Variants in LOC128462377 observed in about 807,000 individuals in gnomAD.
the LOC128462377 span, among the ~76,000 whole-genome samples, chr16:89,358,832 G>GT: frequency 2.5e-3 from 368 of 148,540 alleles, 1 homozygote; most frequent in South Asian, 5.6e-3. Flanking sequence ...TTGCCTGTAG[G>GT]TTTTTTTTTT....
At chr16:89,386,920 C>T in the LOC128462377 span, among the ~76,000 whole-genome samples, 3 of 151,828 alleles carry the variant, frequency 2.0e-5, no homozygotes, top group African/African-American at 7.3e-5. Context: ...CTCCCCACGC[C>T]TCGACCACCG....
the LOC128462377 span, chr16:89,372,763 A>C: frequency 6.6e-6 from 1 of 152,170 alleles, no homozygotes. Flanking sequence ...TTTGTGACTG[A>C]AGATATTCCC....
At chr16:89,350,122 G>C in the LOC128462377 span, among the ~76,000 whole-genome samples, 1 of 152,122 alleles carries the variant, frequency 6.6e-6, no homozygotes, top group Non-Finnish European at 1.5e-5. Flanking sequence ...TGTCACTAGG[G>C]CACTGGAAAT....
At chr16:89,332,482 C>T in the LOC128462377 span, among the ~76,000 whole-genome samples, 2 of 152,232 alleles carry the variant, frequency 1.3e-5, 1 homozygote, top group East Asian at 3.8e-4. Flanking sequence ...ATGACACCTG[C>T]AGGCCAAGAC....
chr16:89,417,297 T>C, the LOC128462377 span, among the ~76,000 whole-genome samples: 21 of 152,164 alleles, frequency 1.4e-4, no homozygotes, highest in Admixed American at 3.9e-4. Context: ...AAACAGATTA[T>C]GTATTTTTGG....
the LOC128462377 span, among the ~76,000 whole-genome samples, chr16:89,381,330 G>GAAAAAAAAAAAAA: frequency 2.0e-5 from 1 of 49,582 alleles, no homozygotes; most frequent in African/African-American, 8.6e-5. Flanking sequence ...AGACTCTGCT[G>GAAAAAAAAAAAAA]CAAAAAAAAA....
At chr16:89,378,590 A>G in the LOC128462377 span, among the ~76,000 whole-genome samples, 2 of 152,214 alleles carry the variant, frequency 1.3e-5, no homozygotes, top group African/African-American at 4.8e-5. Context: ...CTGAGAACAC[A>G]CAACTGGCCA....
At chr16:89,375,499 G>A in the LOC128462377 span, among the ~76,000 whole-genome samples, 1 of 151,336 alleles carries the variant, frequency 6.6e-6, no homozygotes, top group African/African-American at 2.4e-5. Context: ...CACTCTTGTC[G>A]CCCGGGCTGG....
chr16:89,338,021 G>A, the LOC128462377 span, among the ~76,000 whole-genome samples: 1 of 152,140 alleles, frequency 6.6e-6, no homozygotes. Context: ...ATCAGCTGGT[G>A]CCAGTATCAT....
At chr16:89,324,720 T>C in the LOC128462377 span, 4 of 324,684 alleles carry the variant, frequency 1.2e-5, no homozygotes, top group Non-Finnish European at 2.4e-5. Context: ...TTTGGGTTCT[T>C]GGACCTACAC....
At chr16:89,337,184 T>TCAAAAAA in the LOC128462377 span, among the ~76,000 whole-genome samples, 4 of 151,732 alleles carry the variant, frequency 2.6e-5, no homozygotes, top group African/African-American at 9.7e-5. Flanking sequence ...AGACCCTGTC[T>TCAAAAAA]CAAAAAACAA....
the LOC128462377 span, among the ~76,000 whole-genome samples, chr16:89,386,450 A>G: frequency 6.6e-6 from 1 of 152,156 alleles, no homozygotes; most frequent in Non-Finnish European, 1.5e-5. Context: ...CCCTAGCAAG[A>G]GGCCCTCTTT....
chr16:89,344,241 C>G, the LOC128462377 span, among the ~76,000 whole-genome samples: 9 of 152,312 alleles, frequency 5.9e-5, no homozygotes, highest in East Asian at 1.7e-3. Context: ...TACATCTGCA[C>G]GGTGCTTTAC....
At chr16:89,332,950 C>A in the LOC128462377 span, among the ~76,000 whole-genome samples, 1 of 152,370 alleles carries the variant, frequency 6.6e-6, no homozygotes, top group Middle Eastern at 3.4e-3. Flanking sequence ...CGAGCTGCAA[C>A]AGAACAGCGG....
the LOC128462377 span, among the ~76,000 whole-genome samples, chr16:89,384,047 C>T: frequency 6.6e-6 from 1 of 152,182 alleles, no homozygotes; most frequent in Non-Finnish European, 1.5e-5. Context: ...TGGCAAAACC[C>T]TGTCTCTATT....
chr16:89,407,398 G>GC, the LOC128462377 span, among the ~76,000 whole-genome samples: 1 of 152,154 alleles, frequency 6.6e-6, no homozygotes, highest in Non-Finnish European at 1.5e-5. Context: ...GGAAGCCCCA[G>GC]CAACACTGGG....
chr16:89,384,665 C>T, the LOC128462377 span, among the ~76,000 whole-genome samples: 12 of 152,128 alleles, frequency 7.9e-5, no homozygotes, highest in South Asian at 1.0e-3. Flanking sequence ...AAAGGAGCTG[C>T]GAAGACACAA....
chr16:89,370,535 C>A, the LOC128462377 span: 2 of 152,330 alleles, frequency 1.3e-5, no homozygotes, highest in East Asian at 3.9e-4. Context: ...CTGGAGCACA[C>A]CTCCTGCTGA....
chr16:89,349,891 C>T, the LOC128462377 span, among the ~76,000 whole-genome samples: 5 of 137,502 alleles, frequency 3.6e-5, no homozygotes, highest in Non-Finnish European at 6.4e-5. Flanking sequence ...CACACACACA[C>T]ACACACACAC....
Sources: allele counts gnomAD v4.1 joint callset (sites outside exome capture counted in the v4.1 genomes callset), GRCh38; gene constraint gnomAD v4.1.1; transcripts MANE v1.5.